Variants in TASP1 observed in about 807,000 individuals in gnomAD.
TASP1 encodes taspase 1.
TASP1 carries 16 observed loss-of-function variants against 56.6 expected under a neutral mutation model. That is an observed-to-expected ratio of 0.28 (90% CI 0.19 to 0.43). The LOEUF (loss-of-function observed/expected upper bound fraction) is 0.43. Ranked by LOEUF, TASP1 falls within the 20% of genes least tolerant of loss-of-function variation. The pLI, the probability that TASP1 is intolerant of heterozygous loss-of-function variation, is 1.00. For missense variants in TASP1, 393 were observed against 511.6 expected (o/e 0.77, Z 2.24); for synonymous variants, 179 against 184.2 (o/e 0.97, Z 0.23).
At chr20:13,289,778 C>T in the TASP1 span, among the ~76,000 whole-genome samples, 1 of 152,110 alleles carries the variant, frequency 6.6e-6, no homozygotes, top group Non-Finnish European at 1.5e-5. Context: ...CTTAGTAACT[C>T]CTGGTGTATA....
chr20:13,170,199 A>G, the TASP1 span, among the ~76,000 whole-genome samples: 1 of 152,230 alleles, frequency 6.6e-6, no homozygotes, highest in African/African-American at 2.4e-5. Context: ...TTGGAAGGCA[A>G]GTATATTCAA....
chr20:13,473,293 C>T, intron 11 of TASP1, among the ~76,000 whole-genome samples: 1 of 150,734 alleles, frequency 6.6e-6, no homozygotes, highest in Non-Finnish European at 1.5e-5. Context: ...ACAATGAGAA[C>T]ACATGGACAC....
intron 10 of TASP1, among the ~76,000 whole-genome samples, chr20:13,499,504 C>T (rs1477728588): frequency 2.0e-5 from 3 of 151,152 alleles, no homozygotes; most frequent in African/African-American, 7.3e-5. Context: ...AAAGGCAACG[C>T]AAGGCAAAGC....
chr20:13,592,612 C>A (rs1325494298), intron 4 of TASP1, among the ~76,000 whole-genome samples: 1 of 152,156 alleles, frequency 6.6e-6, no homozygotes, highest in Admixed American at 6.5e-5. Flanking sequence ...CATTCCTAAT[C>A]AGTCTGGCTT....
chr20:13,480,619 G>A (rs1016111181), intron 11 of TASP1, among the ~76,000 whole-genome samples: 3 of 152,136 alleles, frequency 2.0e-5, no homozygotes, highest in African/African-American at 7.2e-5. Context: ...AGAGTTATAC[G>A]AAGCAACAGA....
chr20:13,353,511 G>A, the TASP1 span, among the ~76,000 whole-genome samples: 81 of 152,320 alleles, frequency 5.3e-4, no homozygotes, highest in African/African-American at 1.9e-3. Flanking sequence ...TATGTATAAG[G>A]AAAGCTATTT....
At chr20:13,148,926 T>C in the TASP1 span, among the ~76,000 whole-genome samples, 1 of 152,214 alleles carries the variant, frequency 6.6e-6, no homozygotes, top group African/African-American at 2.4e-5. Flanking sequence ...GTAAACACTT[T>C]TCCCACATTA....
At chr20:13,110,580 T>C in the TASP1 span, among the ~76,000 whole-genome samples, 8 of 152,264 alleles carry the variant, frequency 5.3e-5, no homozygotes, top group Non-Finnish European at 1.2e-4. Context: ...TTATGACTGG[T>C]AGAAATTGTT....
At chr20:13,423,524 TA>T (rs917946767) in intron 12 of TASP1, among the ~76,000 whole-genome samples, 4 of 152,146 alleles carry the variant, frequency 2.6e-5, no homozygotes, top group African/African-American at 9.7e-5. Flanking sequence ...ATAGCTTGGC[TA>T]AAAAAAGAAA....
chr20:13,169,688 T>G, the TASP1 span, among the ~76,000 whole-genome samples: 1 of 152,190 alleles, frequency 6.6e-6, no homozygotes, highest in Non-Finnish European at 1.5e-5. Flanking sequence ...CCATTTTTTT[T>G]AAAGTTTTAT....
the TASP1 span, among the ~76,000 whole-genome samples, chr20:13,214,516 C>A: frequency 8.5e-6 from 1 of 117,420 alleles, no homozygotes; most frequent in South Asian, 2.6e-4. Context: ...AATACAGAGA[C>A]AGGCACACAC....
intron 8 of TASP1, among the ~76,000 whole-genome samples, chr20:13,543,705 G>A (rs1443821623): frequency 6.6e-6 from 1 of 152,126 alleles, no homozygotes; most frequent in African/African-American, 2.4e-5. Flanking sequence ...ACCATAGGCT[G>A]GCTTGTTACA....
chr20:13,342,449 G>A, the TASP1 span, among the ~76,000 whole-genome samples: 1 of 152,200 alleles, frequency 6.6e-6, no homozygotes, highest in Non-Finnish European at 1.5e-5. Flanking sequence ...GAAATCTGGT[G>A]GGGACAGCGG....
chr20:13,297,609 G>A, the TASP1 span, among the ~76,000 whole-genome samples: 5 of 152,242 alleles, frequency 3.3e-5, no homozygotes, highest in Non-Finnish European at 7.3e-5. Flanking sequence ...AGTAGGAGCT[G>A]TGCTGAGCTG....
the TASP1 span, among the ~76,000 whole-genome samples, chr20:13,152,459 G>A: frequency 6.9e-4 from 105 of 152,254 alleles, no homozygotes; most frequent in Non-Finnish European, 1.0e-3. Context: ...AAATGGTCTG[G>A]CACAGCTGGA....
chr20:13,489,060 A>G (rs1427803140), intron 10 of TASP1, among the ~76,000 whole-genome samples: 1 of 152,164 alleles, frequency 6.6e-6, no homozygotes, highest in Non-Finnish European at 1.5e-5. Flanking sequence ...GACTTAAAAT[A>G]TAATTCTCAC....
chr20:13,120,915 A>G, the TASP1 span, among the ~76,000 whole-genome samples: 1 of 152,204 alleles, frequency 6.6e-6, no homozygotes, highest in Non-Finnish European at 1.5e-5. Context: ...ATGCACAGTG[A>G]ACAGCCTAAC....
intron 4 of TASP1, among the ~76,000 whole-genome samples, chr20:13,615,697 G>A (rs1431714044): frequency 2.6e-5 from 4 of 151,882 alleles, no homozygotes; most frequent in Non-Finnish European, 5.9e-5. Flanking sequence ...TAGAGACGGG[G>A]TTTCACCGTG....
the TASP1 span, among the ~76,000 whole-genome samples, chr20:13,196,235 C>T: frequency 6.6e-6 from 1 of 152,184 alleles, no homozygotes; most frequent in East Asian, 1.9e-4. Context: ...AACTAACCAT[C>T]AAACTGAACT....
Sources: gnomAD v4.1 joint callset for allele counts (sites outside exome capture counted in the v4.1 genomes callset) on GRCh38, gnomAD v4.1.1 for gene constraint, MANE v1.5 for transcripts, NCBI Gene and HGNC (gene_info 2026-07-23, HGNC 2026-07-21) for gene names.